Variants in KIF5C observed in about 807,000 individuals in gnomAD.
KIF5C encodes the protein kinesin heavy chain isoform 5C.
A neutral mutation model predicts 125.2 loss-of-function variants in KIF5C; 18 were observed. The ratio of observed to expected loss-of-function variants is 0.14; its 90% confidence interval spans 0.10 to 0.21. The LOEUF is 0.21. Ranked by LOEUF, KIF5C falls within the 10% of genes least tolerant of loss-of-function variation. The pLI is 1.00. For synonymous variants in KIF5C, 405 were observed against 434.0 expected (o/e 0.93, Z 0.83); for missense variants, 780 against 1,183.8 (o/e 0.66, Z 5.01).
At chr2:148,960,034 CT>C (rs1558918566) in intron 10 of KIF5C, among the ~76,000 whole-genome samples, 1 of 152,176 alleles carries the variant, frequency 6.6e-6, no homozygotes, top group African/African-American at 2.4e-5. Context: ...CTTTCCAAAC[CT>C]TTGTTAAGCA....
Position 149,025,485 on chromosome 2 carries a change from C to T in KIF5C, c.*2415C>T, listed in dbSNP as rs536369906. The T allele has an allele frequency of 2.0e-5, 3 of 152,702 alleles. No individual in the cohort carries two copies. The East Asian group carries it at 5.8e-4, about 29-fold the overall frequency. The allele number at this position is 152,702 out of a possible 1,614,324, so 9.5% of individuals were successfully genotyped here. The stretch of plus-strand genomic sequence containing the variant: ...ACTTTCTAAAAAAGCCACATATGTG[C>T]AATTTTCAGGTTTTTAGACTATTGC... On this transcript the variant is annotated 3_prime_UTR_variant, in exon 26 of 26. Transcript: ENST00000435030.
intron 1 of KIF5C, among the ~76,000 whole-genome samples, chr2:148,893,557 T>A (rs563824734): frequency 9.9e-5 from 15 of 152,224 alleles, no homozygotes; most frequent in Non-Finnish European, 2.2e-4. Context: ...CCCATCTATC[T>A]GTGGCTGTAA....
intron 10 of KIF5C, 45 bp from the exon 11 acceptor site, chr2:148,961,926 A>G (rs1682937062): frequency 1.3e-6 from 2 of 1,587,198 alleles, no homozygotes; most frequent in African/African-American, 2.7e-5. Context: ...GGTTTAGCTA[A>G]TGGTAATAAT....
intron 1 of KIF5C, among the ~76,000 whole-genome samples, chr2:148,912,328 C>G (rs1409971107): frequency 6.6e-6 from 1 of 152,204 alleles, no homozygotes; most frequent in East Asian, 1.9e-4. Flanking sequence ...AATTAGAAAT[C>G]TTTTAAAAGA....
At chr2:148,999,319 A>G (rs1487308269) in intron 19 of KIF5C, among the ~76,000 whole-genome samples, 1 of 147,698 alleles carries the variant, frequency 6.8e-6, no homozygotes, top group African/African-American at 2.5e-5. Context: ...AGATTTCTAT[A>G]TGGGAAGCAA....
chr2:148,898,038 C>T (rs1322105049), intron 1 of KIF5C, among the ~76,000 whole-genome samples: 3 of 150,034 alleles, frequency 2.0e-5, no homozygotes, highest in Non-Finnish European at 3.0e-5. Context: ...AGGAGTTGAG[C>T]CCTGATTTGC....
At position 148,979,163 on chromosome 2, in the gene KIF5C, T is replaced by A. The variant is rs79197765; in HGVS notation, c.1362+173T>A. 4.7e-3 allele frequency among the ~76,000 whole-genome samples: 717 copies of A among 152,326 alleles called. 2 individuals are homozygous for A. Among genetic ancestry groups the A allele is most frequent in the African/African-American group, 0.017 (705 of 41,570 alleles). ...TCTTACAAGCTGATTATCACTGAAT[T>A]TAGAAAATAAATGTCTGACTTTCAA... On this transcript the variant is annotated intron_variant, in intron 13 of 25. Coordinates refer to ENST00000435030, the MANE Select transcript of KIF5C (RefSeq NM_004522.3).
chr2:149,006,990 C>T (rs1682027901), intron 22 of KIF5C, among the ~76,000 whole-genome samples: 1 of 152,172 alleles, frequency 6.6e-6, no homozygotes, highest in Admixed American at 6.5e-5. Context: ...TAGGAAAGCC[C>T]TGCTTTTAGA....
chr2:148,999,577 C>T (rs151164062), intron 19 of KIF5C, among the ~76,000 whole-genome samples: 1 of 152,230 alleles, frequency 6.6e-6, no homozygotes, highest in South Asian at 2.1e-4. Context: ...TCGGCCATCC[C>T]CTGCTGTTGC....
chr2:148,985,740 CTGGAAAA>C (rs773859893), intron 15 of KIF5C, among the ~76,000 whole-genome samples: 9 of 152,188 alleles, frequency 5.9e-5, no homozygotes, highest in Non-Finnish European at 8.8e-5. Flanking sequence ...TTGTTAAATA[CTGGAAAA>C]TGCTCCCAAG....
intron 21 of KIF5C, among the ~76,000 whole-genome samples, chr2:149,001,614 G>A (rs1681853230): frequency 6.6e-6 from 1 of 152,168 alleles, no homozygotes; most frequent in Non-Finnish European, 1.5e-5. Flanking sequence ...TCGTGTGTCT[G>A]GGTTTGTTGG....
At chr2:148,904,929 T>C (rs1681045644) in intron 1 of KIF5C, among the ~76,000 whole-genome samples, 1 of 152,222 alleles carries the variant, frequency 6.6e-6, no homozygotes, top group African/African-American at 2.4e-5. Flanking sequence ...CTTCTGAATC[T>C]ACCAAAGACA....
chr2:148,984,586 C>CCA (rs1352023831), intron 15 of KIF5C, among the ~76,000 whole-genome samples: 1 of 152,124 alleles, frequency 6.6e-6, no homozygotes, highest in Admixed American at 6.6e-5. Context: ...GCTGAAAAGG[C>CCA]CAACTTCTTT....
At chr2:148,900,504 G>T (rs1179611024) in intron 1 of KIF5C, among the ~76,000 whole-genome samples, 1 of 152,098 alleles carries the variant, frequency 6.6e-6, no homozygotes, top group Non-Finnish European at 1.5e-5. Context: ...CTCCCTCCCT[G>T]CCAACAGAAC....
intron 7 of KIF5C, among the ~76,000 whole-genome samples, chr2:148,945,941 T>G (rs1682511122): frequency 6.6e-6 from 1 of 152,254 alleles, no homozygotes; most frequent in African/African-American, 2.4e-5. Flanking sequence ...TATTAAGTCT[T>G]TCAATCAATC....
chr2:148,938,608 C>G (rs1377787186), intron 4 of KIF5C, among the ~76,000 whole-genome samples: 1 of 152,166 alleles, frequency 6.6e-6, no homozygotes, highest in Non-Finnish European at 1.5e-5. Flanking sequence ...ATAGGTGCCC[C>G]CCTTGCCCGA....
chr2:148,978,915 G>A lies in KIF5C; in HGVS notation c.1294-7G>A, dbSNP rs374225261. The stretch of plus-strand genomic sequence containing the variant: ...ACCAAAAAAACAAACATGATGTTTC[G>A]TTTCAGGATGATGAAATTAACCAGC... On this transcript the variant is annotated splice_region_variant and splice_polypyrimidine_tract_variant and intron_variant, in intron 12 of 25. Transcript: ENST00000435030. The A allele has an allele frequency of 4.3e-5, 69 of 1,587,164 alleles. No homozygotes were observed. Among genetic ancestry groups the A allele is most frequent in the African/African-American group, 2.7e-4 (20 of 73,786 alleles).
chr2:148,879,867 C>T (rs1681298902), intron 1 of KIF5C: 1 of 152,146 alleles, frequency 6.6e-6, no homozygotes, highest in African/African-American at 2.4e-5. Flanking sequence ...TCCTGAGGGC[C>T]TAAGAGCCAG....
intron 7 of KIF5C, among the ~76,000 whole-genome samples, chr2:148,944,654 T>A (rs1225372953): frequency 3.3e-5 from 5 of 152,322 alleles, no homozygotes; most frequent in Non-Finnish European, 7.4e-5. Flanking sequence ...TGAGTATATA[T>A]GCAGAAGTGG....
Sources: gnomAD v4.1 joint callset for allele counts (sites outside exome capture counted in the v4.1 genomes callset) on GRCh38, gnomAD v4.1.1 for gene constraint, MANE v1.5 for transcripts, NCBI Gene and HGNC (gene_info 2026-07-23, HGNC 2026-07-21) for gene names.